Variants in HERC4 observed in about 807,000 individuals in gnomAD.
HERC4 encodes the protein HECT and RLD domain containing E3 ubiquitin protein ligase 4.
Under a neutral mutation model 124.3 loss-of-function variants are expected in HERC4, and 28 were observed. The ratio of observed to expected loss-of-function variants is 0.23; its 90% CI spans 0.17 to 0.31. The LOEUF (loss-of-function observed/expected upper bound fraction) is 0.31, where lower values mean the gene tolerates loss of function less well. Ranked by LOEUF, HERC4 falls within the 10% of genes least tolerant of loss-of-function variation. The probability of loss-of-function intolerance (pLI) is 1.00; values close to 1 mark genes in which losing one functional copy is unlikely to be tolerated. For missense variants in HERC4, 713 were observed against 1,229.3 expected, an observed-to-expected ratio of 0.58 and a Z score of 6.28; for synonymous variants, 407 against 421.5, an observed-to-expected ratio of 0.97 and a Z score of 0.42.
chr10:68,010,504 C>G, intron 9 of HERC4: 1 of 957,848 alleles, frequency 1.0e-6, no homozygotes, highest in South Asian at 1.4e-5. Flanking sequence ...AGCTGCTGGG[C>G]AATGTGACTG....
intron 15 of HERC4, among the ~76,000 whole-genome samples, chr10:67,979,988 T>C (rs887411704): frequency 5.9e-5 from 9 of 151,580 alleles, no homozygotes; most frequent in African/African-American, 1.9e-4. Context: ...TAACATACAA[T>C]GGTGTGCCAA....
At chr10:67,951,798 T>G (rs2033810869) in intron 19 of HERC4, among the ~76,000 whole-genome samples, 1 of 152,344 alleles carries the variant, frequency 6.6e-6, no homozygotes, top group South Asian at 2.1e-4. Flanking sequence ...CAACTGTTCC[T>G]TGGGCAGTTG....
chr10:67,992,054 A>C (rs1289198370), intron 11 of HERC4, 145 bp downstream of exon 11: 1 of 658,864 alleles, frequency 1.5e-6, no homozygotes, highest in African/African-American at 1.8e-5. Flanking sequence ...GTGCACCACC[A>C]CGCCCAGCTA....
At chr10:68,007,397 A>C (rs539413533) in intron 9 of HERC4, among the ~76,000 whole-genome samples, 1 of 152,242 alleles carries the variant, frequency 6.6e-6, no homozygotes, top group East Asian at 1.9e-4. Flanking sequence ...AGATTTCTCA[A>C]AACAGCTGTT....
intron 3 of HERC4, chr10:68,069,552 C>G (rs887333424): frequency 6.1e-6 from 6 of 985,322 alleles, no homozygotes; most frequent in Non-Finnish European, 7.2e-6. Flanking sequence ...CAGGTTAAAT[C>G]TATTCACTAC....
At chr10:67,973,505 T>C (rs1047614215) in intron 15 of HERC4, among the ~76,000 whole-genome samples, 12 of 152,216 alleles carry the variant, frequency 7.9e-5, no homozygotes, top group African/African-American at 2.9e-4. Context: ...ATGGCAAAAG[T>C]TGATACATGG....
chr10:68,051,863 T>C (rs1262048713), intron 3 of HERC4, among the ~76,000 whole-genome samples: 1 of 150,442 alleles, frequency 6.6e-6, no homozygotes, highest in Non-Finnish European at 1.5e-5. Flanking sequence ...GAGGTGGGGT[T>C]TCACTATGTT....
intron 15 of HERC4, among the ~76,000 whole-genome samples, chr10:67,983,388 G>T (rs921450101): frequency 2.0e-5 from 3 of 152,092 alleles, no homozygotes; most frequent in Admixed American, 6.5e-5. Flanking sequence ...CAAAAGAAAC[G>T]AAAGCAGTAT....
chr10:68,066,001 G>C (rs1421922867), intron 3 of HERC4, among the ~76,000 whole-genome samples: 6 of 151,476 alleles, frequency 4.0e-5, no homozygotes, highest in Non-Finnish European at 5.9e-5. Context: ...AAAAATCCAG[G>C]GGAACAGAAA....
At chr10:68,048,899 C>A (rs544595914) in intron 3 of HERC4, among the ~76,000 whole-genome samples, 105 of 152,124 alleles carry the variant, frequency 6.9e-4, no homozygotes, top group African/African-American at 2.4e-3. Flanking sequence ...TGATAAAAAT[C>A]AAAAAGTTTG....
chr10:67,967,856 T>A (rs972626702), intron 15 of HERC4, among the ~76,000 whole-genome samples: 1 of 151,544 alleles, frequency 6.6e-6, no homozygotes, highest in African/African-American at 2.4e-5. Flanking sequence ...ATCCTGATTA[T>A]GAAACTTTTA....
At chr10:68,025,256 TG>T (rs2133266751) in intron 8 of HERC4, among the ~76,000 whole-genome samples, 1 of 151,434 alleles carries the variant, frequency 6.6e-6, no homozygotes, top group Non-Finnish European at 1.5e-5. Context: ...GAAAAAAAGG[TG>T]GAAAAGAGAA....
chr10:67,993,952 G>C (rs985944223), intron 9 of HERC4: 1 of 152,056 alleles, frequency 6.6e-6, no homozygotes, highest in Non-Finnish European at 1.5e-5. Context: ...TCAAGGAAAT[G>C]ACCACATGTT....
chr10:68,035,370 C>G (rs1336021867), intron 5 of HERC4, among the ~76,000 whole-genome samples: 2 of 152,082 alleles, frequency 1.3e-5, no homozygotes, highest in Non-Finnish European at 2.9e-5. Flanking sequence ...GGTGGCGAGG[C>G]TGGTCTCGAA....
At position 67,956,861 on chromosome 10, in the gene HERC4, C is replaced by A; in HGVS notation, c.2025+17G>T. 1 of 1,477,384 alleles carries A rather than the reference C, an allele frequency of 6.8e-7. No individual in the cohort carries two copies. Among genetic ancestry groups the A allele is most frequent in the Non-Finnish European group, 9.2e-7 (1 of 1,090,702 alleles). The allele number at this position is 1,477,384 out of a possible 1,614,324, so 91.5% of individuals were successfully genotyped here. A position where few individuals can be genotyped will look rare whatever the true frequency, so the allele number is the denominator to read the frequency against. ...AGAAACAATTAAAAAAAAAAACCCT[C>A]TCAAATAATATTTTACCTGCATCTG... On this transcript the variant is annotated intron_variant, in intron 17 of 24. Transcript: ENST00000373700.
chr10:68,039,230 G>T (rs899369264), intron 4 of HERC4, among the ~76,000 whole-genome samples: 3 of 147,864 alleles, frequency 2.0e-5, no homozygotes, highest in Non-Finnish European at 3.0e-5. Context: ...GCAGGAAAAT[G>T]ACTTGGACCT....
intron 5 of HERC4, 126 bp from the exon 6 acceptor site, chr10:68,034,312 A>T (rs1457677888): frequency 1.5e-6 from 1 of 675,888 alleles, no homozygotes; most frequent in Non-Finnish European, 2.5e-6. Flanking sequence ...CTATCATCAA[A>T]AGAATATAAA....
At chr10:67,962,198 TTAC>T (rs1419373628) in intron 16 of HERC4, among the ~76,000 whole-genome samples, 3 of 148,028 alleles carry the variant, frequency 2.0e-5, no homozygotes, top group African/African-American at 5.0e-5. Context: ...AAAAGTGTTA[TTAC>T]TACTAAGAAA....
intron 7 of HERC4, among the ~76,000 whole-genome samples, chr10:68,025,877 G>A (rs553045380): frequency 2.6e-5 from 4 of 151,970 alleles, no homozygotes; most frequent in African/African-American, 7.3e-5. Flanking sequence ...TGTTTTCACC[G>A]TTATAAAATA....
Sources: gnomAD v4.1 joint callset for allele counts (sites outside exome capture counted in the v4.1 genomes callset) on GRCh38, gnomAD v4.1.1 for gene constraint, MANE v1.5 for transcripts, NCBI Gene and HGNC (gene_info 2026-07-23, HGNC 2026-07-21) for gene names.